The following PAPLN variants were observed in gnomAD, a reference collection of about 807,000 sequenced individuals.
PAPLN encodes papilin.
A neutral mutation model predicts 159.0 loss-of-function variants in PAPLN; 146 were observed. The ratio of observed to expected loss-of-function variants is 0.92; its 90% CI spans 0.80 to 1.05. The LOEUF is 1.05. Ranked by LOEUF, PAPLN falls within the 50% of genes least tolerant of loss-of-function variation. The pLI is 0.00. For synonymous variants in PAPLN, 734 were observed against 702.9 expected, an observed-to-expected ratio of 1.04 and a Z score of -0.70; for missense variants, 1,720 against 1,743.9, an observed-to-expected ratio of 0.99 and a Z score of 0.24.
rs1883474396 is a variant in PAPLN, at chr14:73,240,944, G to A, written c.54+1112G>A. Among the ~76,000 whole-genome samples the A allele has an allele frequency of 2.0e-5, 3 of 152,128 alleles. No homozygotes were observed. The South Asian group carries it at 6.2e-4, about 32-fold the overall frequency. ...CACAGCCCTGCCCACCCCTCTGTGA[G>A]GCAGGCAGGAAGTGAAAGAGGAAGG... On this transcript the variant is annotated intron_variant, in intron 2 of 26. Transcript: ENST00000644200.
At position 73,262,393 on chromosome 14, in the gene PAPLN, C is replaced by G. The variant is rs199513457; in HGVS notation, c.2289C>G (p.Cys763Trp). The G allele has an allele frequency of 3.7e-6, 6 of 1,613,818 alleles. No homozygotes were observed. The Admixed American group carries it at 6.7e-5, about 18-fold the overall frequency. ...RCLLPSAHGS[C>W]ADWAARWYFV... ...TGCTGCCCAGTGCCCATGGCTCTTG[C>G]GCAGACTGGGCTGCCCGCTGGTACT... The change falls in exon 19 of 27, where the codon TGC (cysteine) becomes TGG (tryptophan). Residue 763 changes from cysteine to tryptophan, a missense_variant. Transcript: ENST00000644200.
Position 73,250,252 on chromosome 14 carries a change from G to T in PAPLN, c.465+138G>T, listed in dbSNP as rs889725781. The T allele has an allele frequency of 1.9e-5, 23 of 1,199,450 alleles. No individual in the cohort carries two copies. In the African/African-American group the frequency reaches 3.0e-4, roughly 16 times the overall value. The allele number at this position is 1,199,450 out of a possible 1,614,324, so 74.3% of individuals were successfully genotyped here. On this transcript the variant is annotated intron_variant, in intron 6 of 26. Coordinates refer to ENST00000644200, the MANE Select transcript of PAPLN (RefSeq NM_001365906.3). ...TCAAGTTACCAGGACACCAAGCCCA[G>T]CTCCTAGGGTACCTTGCAGGCATCA...
At chr14:73,261,360 C>A in intron 18 of PAPLN, 66 bp downstream of exon 18, 1 of 1,555,410 alleles carries the variant, frequency 6.4e-7, no homozygotes, top group Non-Finnish European at 8.7e-7. Flanking sequence ...CCTCCAGCCC[C>A]CACCCAGGAC....
At chr14:73,247,889 C>A (rs1192879139) in intron 5 of PAPLN, among the ~76,000 whole-genome samples, 1 of 19,850 alleles carries the variant, frequency 5.0e-5, no homozygotes, top group Non-Finnish European at 7.8e-5. Flanking sequence ...TCATATCCTC[C>A]GTGTGTGTGT....
chr14:73,251,759 G>A lies in PAPLN; in HGVS notation c.766G>A (p.Glu256Lys), dbSNP rs555260071. The A allele has an allele frequency of 9.9e-6, 16 of 1,612,464 alleles. No homozygotes were observed. Among genetic ancestry groups the A allele is most frequent in the Middle Eastern group, 1.7e-4 (1 of 6,060 alleles). The change falls in exon 9 of 27, where the codon GAG becomes AAG. Residue 256 changes from glutamate to lysine, a missense_variant. Physicochemically the swap from Glu to Lys is moderately conservative, Grantham distance 56. Coordinates refer to ENST00000644200, the MANE Select transcript of PAPLN (RefSeq NM_001365906.3). ...LPAASTILHY[E>K]RGAEGDLAPE... ...AGCAGCCAGCACCATCCTGCATTAC[G>A]AGCGGGGTGCTGAGGGGGACCTGGC...
intron 2 of PAPLN, among the ~76,000 whole-genome samples, chr14:73,241,207 C>A (rs564273025): frequency 2.0e-5 from 3 of 152,238 alleles, no homozygotes; most frequent in African/African-American, 7.2e-5. Context: ...TAGAGGCAGC[C>A]TTTTTCATGT....
In PAPLN at chr14:73,251,548, G is replaced by A. The variant is rs1261607739; in HGVS notation, c.652G>A (p.Ala218Thr). 2 of 1,612,756 alleles carry A rather than the reference G, an allele frequency of 1.2e-6. No individual in the cohort carries two copies. Among genetic ancestry groups the A allele is most frequent in the Non-Finnish European group, 1.7e-6 (2 of 1,179,896 alleles). ...CAGCATCCTCATCGACGAGGCTGCTGCCAGCAGGAACTTCCTGGGTGAGAG... is the reference window on the plus strand; with the variant it reads ...CAGCATCCTCATCGACGAGGCTGCTACCAGCAGGAACTTCCTGGGTGAGAG... Reference protein sequence around the residue: ...ATSILIDEAAASRNFLAVKNV... With the variant: ...ATSILIDEAATSRNFLAVKNV... The change falls in exon 8 of 27, where the codon GCC (alanine) becomes ACC (threonine). Residue 218 changes from alanine (A) to threonine (T), a missense_variant. Ala to Thr is a moderately conservative substitution (Grantham distance 58). Coordinates refer to ENST00000644200, the MANE Select transcript of PAPLN (RefSeq NM_001365906.3).
Position 73,264,738 on chromosome 14 carries a change from G to C in PAPLN, c.3125+12G>C. On this transcript the variant is annotated intron_variant, in intron 22 of 26. Coordinates refer to ENST00000644200, the MANE Select transcript of PAPLN (RefSeq NM_001365906.3). Reference sequence around the variant, plus strand: ...CAGCCTGCAAACAGGTAAGAACTCAGCAATGCCATCTTGCCCTCCCCCACG... The same window carrying C: ...CAGCCTGCAAACAGGTAAGAACTCACCAATGCCATCTTGCCCTCCCCCACG... 1.2e-6 allele frequency: 2 copies of C among 1,612,104 alleles called. No individual in the cohort carries two copies. The highest frequency in any genetic ancestry group is 1.7e-6 in the Non-Finnish European group (2 of 1,179,580).
intron 2 of PAPLN, 171 bp from the exon 3 acceptor site, chr14:73,244,471 AAT>A (rs1284560370): frequency 1.0e-5 from 6 of 574,982 alleles, no homozygotes; most frequent in African/African-American, 7.7e-5. Flanking sequence ...TCTGAAAAGG[AAT>A]ATGTTTTGGG....
chr14:73,248,169 CTG>C (rs776221964), intron 5 of PAPLN, among the ~76,000 whole-genome samples: 10 of 101,578 alleles, frequency 9.8e-5, no homozygotes, highest in East Asian at 2.8e-4. Flanking sequence ...CTCATATCCT[CTG>C]TGTGTGTGTG....
At chr14:73,259,644 G>A in intron 16 of PAPLN, 99 bp downstream of exon 16, 2 of 1,363,516 alleles carry the variant, frequency 1.5e-6, no homozygotes, top group Non-Finnish European at 1.9e-6. Context: ...GGCTGGGGTG[G>A]GTGTGCAGAG....
chr14:73,246,779 G>A (rs1884432140), intron 5 of PAPLN: 1 of 151,492 alleles, frequency 6.6e-6, no homozygotes, highest in African/African-American at 2.4e-5. Context: ...AGTAAATATG[G>A]AATGCTTCAT....
At position 73,272,791 on chromosome 14, in the gene PAPLN, C is replaced by CA. The variant is rs1228258711; in HGVS notation, c.*132dup. The CA allele has an allele frequency of 2.8e-6, 3 of 1,054,254 alleles. No homozygotes were observed. The highest frequency in any genetic ancestry group is 3.2e-4 in the Middle Eastern group (1 of 3,160). 65.3% of individuals were successfully genotyped at this position (1,054,254 alleles called of 1,614,324 possible). On this transcript the variant is annotated 3_prime_UTR_variant, in exon 27 of 27. Coordinates refer to ENST00000644200, the MANE Select transcript of PAPLN (RefSeq NM_001365906.3). ...ATCTTCTGGAATACATTAGCTCTTT[C>CA]AAAAACCCACCCAGTGTTTAGCCTC...
In PAPLN at chr14:73,265,556, C is replaced by T. The variant is rs1887135920; in HGVS notation, c.3263+49C>T. The T allele has an allele frequency of 3.1e-6, 5 of 1,595,686 alleles. No homozygotes were observed. The highest frequency in any genetic ancestry group is 3.4e-6 in the Non-Finnish European group (4 of 1,169,782). The stretch of plus-strand genomic sequence containing the variant: ...CCTCCTATTCTGCCTCCAGCCCCAC[C>T]TTATCCTATGGAGGCCACCGGGGAA... On this transcript the variant is annotated intron_variant, in intron 23 of 26. Transcript: ENST00000644200. The surrounding 1 kb of genome is among the most constrained non-coding windows in gnomAD (Gnocchi z 4.1).
intron 5 of PAPLN, among the ~76,000 whole-genome samples, chr14:73,247,716 G>T (rs1429940335): frequency 6.8e-6 from 1 of 146,198 alleles, no homozygotes; most frequent in Non-Finnish European, 1.5e-5. Context: ...GGCCCAGTGG[G>T]AGTCTCATGT....
chr14:73,252,198 C>A, intron 10 of PAPLN, 57 bp downstream of exon 10: 2 of 1,510,152 alleles, frequency 1.3e-6, no homozygotes, highest in South Asian at 1.3e-5. Context: ...GATCCCACGG[C>A]CACAGGTGGG....
intron 20 of PAPLN, chr14:73,263,986 C>CTGCCCCCCG: frequency 7.3e-7 from 1 of 1,365,300 alleles, no homozygotes; most frequent in East Asian, 3.1e-5. Flanking sequence ...GTGTGTGTGA[C>CTGCCCCCCG]AGCCCCCCGA....
In PAPLN at chr14:73,264,204, C is replaced by G. The variant is rs113101015; in HGVS notation, c.2862-7C>G. ...GAGCTCATGTCCTCCCACACCACCC[C>G]ACTCAGGCACAGGCTGCAGTTCGAC... On this transcript the variant is annotated splice_polypyrimidine_tract_variant and splice_region_variant and intron_variant, in intron 20 of 26. Transcript: ENST00000644200. 2 of 1,613,606 alleles carry G rather than the reference C, an allele frequency of 1.2e-6. No individual in the cohort carries two copies. Among genetic ancestry groups the G allele is most frequent in the Non-Finnish European group, 1.7e-6 (2 of 1,179,930 alleles).
intron 5 of PAPLN, among the ~76,000 whole-genome samples, chr14:73,249,201 T>G (rs1884947445): frequency 6.6e-6 from 1 of 152,190 alleles, no homozygotes; most frequent in Non-Finnish European, 1.5e-5. Flanking sequence ...AGCATTTCAT[T>G]TTAGCCCCTT....
Sources: gnomAD v4.1 joint callset for allele counts (sites outside exome capture counted in the v4.1 genomes callset) on GRCh38, gnomAD v4.1.1 for gene constraint, Gnocchi (gnomAD v3.1) non-coding constraint, MANE v1.5 for transcripts, NCBI Gene and HGNC (gene_info 2026-07-23, HGNC 2026-07-21) for gene names.